VCAN: variants seen among roughly 807,000 people sequenced by gnomAD.
VCAN encodes the protein versican.
In VCAN, 44 loss-of-function variants were observed where a neutral mutation model predicts 245.5. That is an observed-to-expected ratio of 0.18 (90% CI 0.14 to 0.23). The LOEUF is 0.23. Among genes scored for constraint, VCAN ranks in the 10% least tolerant of loss-of-function variants. The pLI is 1.00. For missense variants in VCAN, 3,793 were observed against 4,057.9 expected (o/e 0.93, Z 1.77); for synonymous variants, 1,413 against 1,437.0 (o/e 0.98, Z 0.38).
At position 83,541,461 on chromosome 5, in the gene VCAN, T is replaced by A; in HGVS notation, c.8458T>A (p.Leu2820Met). ...TTLAVSTFAK[L>M]SSQTPSSPLT... is the part of the protein sequence containing the mutation. The stretch of plus-strand genomic sequence containing the variant: ...ATTAGCAGTTTCAACATTTGCGAAG[T>A]TGTCTTCTCAGACACCATCATCTCC... The change falls in exon 8 of 15, where the codon TTG becomes ATG. Residue 2820 changes from leucine to methionine, a missense_variant. Leu to Met is a conservative substitution (Grantham distance 15). Around this residue, in one of 5 missense-constraint regions of VCAN, gnomAD observed 3,182 missense variants for 3,250.3 expected, o/e 0.98. Coordinates refer to ENST00000265077, the MANE Select transcript of VCAN (RefSeq NM_004385.5). 8 of 1,614,068 alleles carry A rather than the reference T, an allele frequency of 5.0e-6. No individual in the cohort carries two copies. The highest frequency in any genetic ancestry group is 6.8e-6 in the Non-Finnish European group (8 of 1,179,996).
At chr5:83,500,382 C>T (rs1745295247) in intron 5 of VCAN, among the ~76,000 whole-genome samples, 1 of 152,090 alleles carries the variant, frequency 6.6e-6, no homozygotes, top group South Asian at 2.1e-4. Flanking sequence ...AACAGTCTAC[C>T]TAAGAGCCAA....
intron 10 of VCAN, among the ~76,000 whole-genome samples, chr5:83,548,967 G>A (rs1386086191): frequency 6.6e-6 from 1 of 152,160 alleles, no homozygotes; most frequent in East Asian, 1.9e-4. Context: ...GTTCCAAGTG[G>A]ATGGATGATG....
At position 83,489,060 on chromosome 5, in the gene VCAN, T is replaced by C. The variant is rs114518079; in HGVS notation, c.71-1038T>C. Among the ~76,000 whole-genome samples, 1,241 of 152,150 alleles carry C rather than the reference T, an allele frequency of 8.2e-3. 6 individuals carry two copies. Among genetic ancestry groups the C allele is most frequent in the African/African-American group, 0.027 (1,117 of 41,458 alleles). On this transcript the variant is annotated intron_variant, in intron 2 of 14. Coordinates refer to ENST00000265077, the MANE Select transcript of VCAN (RefSeq NM_004385.5). ...ATATCATTTCCAATGCATGCCCATGTTGAGATGTGTGTTTCCAATATGTTT... is the reference window on the plus strand; with the variant it reads ...ATATCATTTCCAATGCATGCCCATGCTGAGATGTGTGTTTCCAATATGTTT...
At chr5:83,481,640 A>C (rs985059751) in intron 1 of VCAN, among the ~76,000 whole-genome samples, 8 of 152,200 alleles carry the variant, frequency 5.3e-5, no homozygotes, top group African/African-American at 1.9e-4. Flanking sequence ...ATTTAGGATT[A>C]TCAACCATAT....
At chr5:83,571,871 T>G (rs1028793570) in intron 12 of VCAN, among the ~76,000 whole-genome samples, 2 of 152,132 alleles carry the variant, frequency 1.3e-5, no homozygotes, top group African/African-American at 4.8e-5. Flanking sequence ...AAGATAAATA[T>G]TGCAACTATC....
At chr5:83,566,758 G>A (rs1580074223) in intron 12 of VCAN, among the ~76,000 whole-genome samples, 2 of 152,204 alleles carry the variant, frequency 1.3e-5, no homozygotes, top group South Asian at 2.1e-4. Flanking sequence ...CAGAAGTCAT[G>A]TGCACTGCAG....
At position 83,538,432 on chromosome 5, in the gene VCAN, G is replaced by A; in HGVS notation, c.5429G>A (p.Ser1810Asn). 1 of 1,613,988 alleles carries A rather than the reference G, an allele frequency of 6.2e-7. No individual in the cohort carries two copies. Among genetic ancestry groups the A allele is most frequent in the East Asian group, 2.2e-5 (1 of 44,870 alleles). The change falls in exon 8 of 15, where the codon AGC becomes AAC. Residue 1810 changes from serine (S) to asparagine (N), a missense_variant. Ser to Asn is a conservative substitution (Grantham distance 46, BLOSUM62 1). Transcript: ENST00000265077. ...TTGGGGGCACAGACCACTGAGCACA[G>A]CAGTATCCATCAACCTGGGGTTCAG... ...ENLGAQTTEHSSIHQPGVQEG... is the reference protein window; with the variant it reads ...ENLGAQTTEHNSIHQPGVQEG...
At chr5:83,568,371 G>T (rs1748162382) in intron 12 of VCAN, among the ~76,000 whole-genome samples, 1 of 152,192 alleles carries the variant, frequency 6.6e-6, no homozygotes, top group African/African-American at 2.4e-5. Context: ...AAACCACAGA[G>T]CTAAAATTTG....
At chr5:83,511,608 T>C (rs992099083) in intron 5 of VCAN, among the ~76,000 whole-genome samples, 6 of 151,972 alleles carry the variant, frequency 3.9e-5, no homozygotes, top group African/African-American at 1.2e-4. Flanking sequence ...TAATCCACTT[T>C]GTCGGTAGTT....
At position 83,537,595 on chromosome 5, in the gene VCAN, A is replaced by T. The variant is rs1258125718; in HGVS notation, c.4592A>T (p.His1531Leu). 6.2e-7 allele frequency: 1 copy of T among 1,613,856 alleles called. No individual in the cohort carries two copies. Among genetic ancestry groups the T allele is most frequent in the East Asian group, 2.2e-5 (1 of 44,826 alleles). ...ACAGAGAGAGATACTGAAGTTGGTC[A>T]TCAGGCACATGAACATACTGAACCT... ...SVTERDTEVG[H>L]QAHEHTEPVS... Residue 1531 changes from histidine to leucine, a missense_variant, in exon 8 of 15, where the codon CAT becomes CTT. Physicochemically the swap from His to Leu is moderately conservative, Grantham distance 99 (BLOSUM62 -3). Coordinates refer to ENST00000265077, the MANE Select transcript of VCAN (RefSeq NM_004385.5).
intron 1 of VCAN, among the ~76,000 whole-genome samples, chr5:83,483,090 CT>C (rs1425426911): frequency 6.6e-6 from 1 of 152,230 alleles, no homozygotes; most frequent in Non-Finnish European, 1.5e-5. Context: ...CCCATCTTCT[CT>C]TGCTCTATTT....
intron 13 of VCAN, 58 bp downstream of exon 13, chr5:83,572,618 T>C: frequency 6.2e-7 from 1 of 1,602,810 alleles, no homozygotes. Context: ...ATAAAGATAA[T>C]TCAGGAATTT....
intron 7 of VCAN, among the ~76,000 whole-genome samples, chr5:83,532,656 G>A (rs1036151194): frequency 1.3e-5 from 2 of 151,894 alleles, no homozygotes; most frequent in Non-Finnish European, 2.9e-5. Flanking sequence ...AGAGTTTGAG[G>A]CTGCCTGTAA....
At chr5:83,500,896 T>A (rs561333429) in intron 5 of VCAN, among the ~76,000 whole-genome samples, 1 of 152,336 alleles carries the variant, frequency 6.6e-6, no homozygotes, top group Admixed American at 6.5e-5. Context: ...AGGCTGTTTT[T>A]CAATGTGGCT....
chr5:83,472,007 A>G lies in VCAN; in HGVS notation c.-23A>G, dbSNP rs1373589914. 7.9e-6 allele frequency: 3 copies of G among 378,098 alleles called. No homozygotes were observed. The highest frequency in any genetic ancestry group is 7.6e-5 in the East Asian group (2 of 26,378). 23.4% of individuals were successfully genotyped at this position (378,098 alleles called of 1,614,324 possible). On this transcript the variant is annotated 5_prime_UTR_variant, in exon 1 of 15. Coordinates refer to ENST00000265077, the MANE Select transcript of VCAN (RefSeq NM_004385.5). The stretch of plus-strand genomic sequence containing the variant: ...CAGTGAATTTTCCCCCCAAACTGCA[A>G]TAAGCCGCCTTCCAAGGTAATCACG...
In VCAN at chr5:83,521,960, C is replaced by A. The variant is rs748857884; in HGVS notation, c.3654C>A (p.His1218Gln). 8 of 1,614,064 alleles carry A rather than the reference C, an allele frequency of 5.0e-6. No individual in the cohort carries two copies. In the Admixed American group the frequency reaches 1.3e-4, roughly 27 times the overall value. The change falls in exon 7 of 15, where the codon CAC (histidine) becomes CAA (glutamine). Residue 1218 changes from histidine to glutamine, a missense_variant. Around this residue, in one of 5 missense-constraint regions of VCAN, gnomAD observed 3,182 missense variants for 3,250.3 expected, o/e 0.98. Coordinates refer to ENST00000265077, the MANE Select transcript of VCAN (RefSeq NM_004385.5). Reference sequence around the variant, plus strand: ...CCTTCAGTTCAGTAGACAGACTTCACACAACTTCAGCATTCAAGCCATCTT... The same window carrying A: ...CCTTCAGTTCAGTAGACAGACTTCAAACAACTTCAGCATTCAAGCCATCTT... Reference protein sequence around the residue: ...TTAFSSVDRLHTTSAFKPSSA... With the variant: ...TTAFSSVDRLQTTSAFKPSSA...
chr5:83,515,019 T>C (rs1449927736), intron 6 of VCAN, among the ~76,000 whole-genome samples: 3 of 152,216 alleles, frequency 2.0e-5, no homozygotes, highest in Admixed American at 2.0e-4. Flanking sequence ...GAATAAACAA[T>C]GCCAAATCGT....
At chr5:83,571,132 G>T (rs1391211870) in intron 12 of VCAN, among the ~76,000 whole-genome samples, 1 of 152,122 alleles carries the variant, frequency 6.6e-6, no homozygotes, top group Non-Finnish European at 1.5e-5. Flanking sequence ...CCAAAGCATG[G>T]TGGGAAAGTG....
rs186995959 is a variant in VCAN, at chr5:83,513,317, A to T, written c.1042+921A>T. On this transcript the variant is annotated intron_variant, in intron 6 of 14. Transcript: ENST00000265077. Reference sequence around the variant, plus strand: ...TGAAACAAATTTGTAAACAACTTTGACTAAATTTCCAATGTATCTTGTTAT... The same window carrying T: ...TGAAACAAATTTGTAAACAACTTTGTCTAAATTTCCAATGTATCTTGTTAT... Among the ~76,000 whole-genome samples, 1,022 of 152,346 alleles carry T rather than the reference A, an allele frequency of 6.7e-3. 7 individuals carry two copies. Among genetic ancestry groups the T allele is most frequent in the Non-Finnish European group, 8.9e-3 (605 of 68,026 alleles).
Sources: allele counts gnomAD v4.1 joint callset (sites outside exome capture counted in the v4.1 genomes callset), GRCh38; gene constraint gnomAD v4.1.1; regional missense constraint gnomAD v4.1.1; transcripts MANE v1.5; gene names NCBI Gene and HGNC (gene_info 2026-07-23, HGNC 2026-07-21).